Variants in FRRS1 observed in about 807,000 individuals in gnomAD.
FRRS1 encodes the protein ferric chelate reductase 1.
Under a neutral mutation model 70.7 loss-of-function variants are expected in FRRS1, and 51 were observed. The ratio of observed to expected loss-of-function variants is 0.72; its 90% CI spans 0.58 to 0.91. The LOEUF (loss-of-function observed/expected upper bound fraction) is 0.91. FRRS1 is among the 40% of genes least tolerant of loss of function. The pLI is 0.00. For missense variants in FRRS1, 672 were observed against 726.0 expected, an observed-to-expected ratio of 0.93 and a Z score of 0.86; for synonymous variants, 225 against 238.7, an observed-to-expected ratio of 0.94 and a Z score of 0.53.
intron 1 of FRRS1, chr1:99,765,454 A>T (rs1359512611): frequency 6.6e-6 from 1 of 152,184 alleles, no homozygotes; most frequent in Non-Finnish European, 1.5e-5. Context: ...ATACAAAATT[A>T]GCCGGGTGTG....
intron 4 of FRRS1, among the ~76,000 whole-genome samples, chr1:99,746,444 T>C (rs1172798169): frequency 1.3e-5 from 2 of 152,156 alleles, no homozygotes; most frequent in East Asian, 3.9e-4. Flanking sequence ...ATGTTGTGCA[T>C]GACTTTTAAA....
chr1:99,710,968 A>G lies in FRRS1; in HGVS notation c.1481-19T>C. 6.2e-7 allele frequency: 1 copy of G among 1,606,290 alleles called. No individual in the cohort carries two copies. Among genetic ancestry groups the G allele is most frequent in the East Asian group, 2.2e-5 (1 of 44,712 alleles). ...GCTGCCACTACATACAAAAGAAAAA[A>G]GTTACATTCAAATGTAGTCCCACCA... On this transcript the variant is annotated intron_variant, in intron 14 of 16. Coordinates refer to ENST00000646001, the MANE Select transcript of FRRS1 (RefSeq NM_001361041.2).
chr1:99,751,302 C>T (rs1045955785), intron 1 of FRRS1, among the ~76,000 whole-genome samples: 2 of 152,178 alleles, frequency 1.3e-5, no homozygotes, highest in African/African-American at 4.8e-5. Flanking sequence ...CACTGAACTA[C>T]TCCAGCAGCT....
chr1:99,729,995 A>G (rs1294272891), intron 7 of FRRS1, among the ~76,000 whole-genome samples: 1 of 152,178 alleles, frequency 6.6e-6, no homozygotes, highest in Non-Finnish European at 1.5e-5. Context: ...TAGATATATA[A>G]CATGTTTATA....
chr1:99,730,604 A>T (rs1223413074), intron 7 of FRRS1, among the ~76,000 whole-genome samples: 2 of 152,158 alleles, frequency 1.3e-5, no homozygotes, highest in Non-Finnish European at 2.9e-5. Context: ...GAGGTGGCTC[A>T]CGCCTGTAGT....
chr1:99,733,021 A>AT (rs994023649), intron 7 of FRRS1, among the ~76,000 whole-genome samples: 1 of 151,698 alleles, frequency 6.6e-6, no homozygotes, highest in Non-Finnish European at 1.5e-5. Context: ...TTTTTTATGA[A>AT]TTTTTTGTAG....
At chr1:99,747,573 G>A (rs1375496440) in intron 3 of FRRS1, 143 bp from the exon 4 acceptor site, 3 of 710,922 alleles carry the variant, frequency 4.2e-6, no homozygotes, top group East Asian at 5.6e-5. Context: ...AGGCAAAGAA[G>A]CTCTAAACTT....
chr1:99,752,209 C>A (rs1372216486), intron 1 of FRRS1, among the ~76,000 whole-genome samples: 1 of 152,182 alleles, frequency 6.6e-6, no homozygotes, highest in Non-Finnish European at 1.5e-5. Context: ...CCATTTTGTT[C>A]AAGAACTTTC....
At chr1:99,711,048 G>C (rs182464304) in intron 14 of FRRS1, 99 bp from the exon 15 acceptor site, 326 of 1,002,068 alleles carry the variant, frequency 3.3e-4, no homozygotes, top group Admixed American at 1.2e-3. Context: ...CATACTAAAA[G>C]AGTTTGAGAT....
rs201530272 is a variant in FRRS1 at position 99,710,875 on chromosome 1, C to T, written c.1555G>A (p.Gly519Arg). The change falls in exon 15 of 17, where the codon GGA becomes AGA. Residue 519 changes from glycine to arginine, a missense_variant. Coordinates refer to ENST00000646001, the MANE Select transcript of FRRS1 (RefSeq NM_001361041.2). ...GTCCCAACATGCCAGGCTACGAATCCGGTCATTGCATAGGTTTTCCATGAA... is the reference window on the plus strand; with the variant it reads ...GTCCCAACATGCCAGGCTACGAATCTGGTCATTGCATAGGTTTTCCATGAA... ...PDSWKTYAMTGFVAWHVGTEV... is the reference protein window; with the variant it reads ...PDSWKTYAMTRFVAWHVGTEV... The T allele has an allele frequency of 2.2e-4, 356 of 1,613,810 alleles. 1 individual carries two copies. The highest frequency in any genetic ancestry group is 6.6e-4 in the Middle Eastern group (4 of 6,062).
intron 1 of FRRS1, among the ~76,000 whole-genome samples, chr1:99,757,127 C>A (rs1656876822): frequency 2.0e-5 from 3 of 150,688 alleles, no homozygotes; most frequent in African/African-American, 7.3e-5. Flanking sequence ...TCGTTTACTA[C>A]ATCCAAAGTA....
At chr1:99,747,257 C>T (rs760750688) in intron 4 of FRRS1, 37 bp downstream of exon 4, 1 of 1,573,894 alleles carries the variant, frequency 6.4e-7, no homozygotes. Context: ...GCACCTGTAA[C>T]CTCCACATTG....
chr1:99,708,852 G>T lies in FRRS1; in HGVS notation c.*176C>A. 1 of 1,308,006 alleles carries T rather than the reference G, an allele frequency of 7.6e-7. No individual in the cohort carries two copies. The highest frequency in any genetic ancestry group is 1.2e-5 in the South Asian group (1 of 83,848). The allele number at this position is 1,308,006 out of a possible 1,614,324, so 81.0% of individuals were successfully genotyped here. ...CATGACATTAATTTATAGTCTATAT[G>T]ACCCTCTTGAATGTTGTTCTCTAAA... is the stretch of plus-strand genomic sequence containing the variant. On this transcript the variant is annotated 3_prime_UTR_variant, in exon 17 of 17. Coordinates refer to ENST00000646001, the MANE Select transcript of FRRS1 (RefSeq NM_001361041.2).
At chr1:99,748,818 A>G (rs1177359713) in intron 2 of FRRS1, 50 bp from the exon 3 acceptor site, 1 of 1,423,918 alleles carries the variant, frequency 7.0e-7, no homozygotes, top group Admixed American at 2.1e-5. Context: ...ATTAAAATAT[A>G]AAAGCTTTTA....
chr1:99,761,467 T>C (rs1657109685), intron 1 of FRRS1, among the ~76,000 whole-genome samples: 1 of 152,204 alleles, frequency 6.6e-6, no homozygotes, highest in Admixed American at 6.5e-5. Flanking sequence ...GAAAAATGAT[T>C]GGAAACAAAT....
rs1471545237 is a variant in FRRS1 at position 99,708,512 on chromosome 1, G to A, written c.*516C>T. ...ACTCAGGAGGCTGAGGCAGGAGAAT[G>A]GTGTGAACCCAGGAGGCAGAGCTTG... On this transcript the variant is annotated 3_prime_UTR_variant, in exon 17 of 17. Coordinates refer to ENST00000646001, the MANE Select transcript of FRRS1 (RefSeq NM_001361041.2). 2.7e-5 allele frequency: 4 copies of A among 145,888 alleles called. No homozygotes were observed. Among genetic ancestry groups the A allele is most frequent in the African/African-American group, 7.6e-5 (3 of 39,672 alleles). The allele number at this position is 145,888 out of a possible 1,614,324, so 9.0% of individuals were successfully genotyped here. A position where few individuals can be genotyped will look rare whatever the true frequency, so the allele number is the denominator to read the frequency against.
In FRRS1 at chr1:99,742,198, G is replaced by C. The variant is rs770151340; in HGVS notation, c.409C>G (p.Pro137Ala). Residue 137 changes from proline to alanine, a missense_variant, in exon 5 of 17, where the codon CCA becomes GCA. Transcript: ENST00000646001. ...KVYWNAPSSA[P>A]NHTQFLVTVV... ...ACTCACAGAAACTGTGTGTGATTTG[G>C]AGCACTGCTTGGAGCATTCCAGTAG... is the stretch of plus-strand genomic sequence containing the variant. 1 of 1,606,750 alleles carries C rather than the reference G, an allele frequency of 6.2e-7. No homozygotes were observed.
At chr1:99,732,920 T>C (rs1382796205) in intron 7 of FRRS1, among the ~76,000 whole-genome samples, 1 of 151,914 alleles carries the variant, frequency 6.6e-6, no homozygotes, top group East Asian at 1.9e-4. Flanking sequence ...TACAGCTCAC[T>C]GCAGCTTTGA....
intron 1 of FRRS1, among the ~76,000 whole-genome samples, chr1:99,760,073 T>C (rs987143132): frequency 4.6e-5 from 7 of 152,212 alleles, no homozygotes; most frequent in Non-Finnish European, 1.0e-4. Flanking sequence ...AAATCTGCTT[T>C]ATAAGAGACT....
Sources: gnomAD v4.1 joint callset for allele counts (sites outside exome capture counted in the v4.1 genomes callset) on GRCh38, gnomAD v4.1.1 for gene constraint, MANE v1.5 for transcripts, NCBI Gene and HGNC (gene_info 2026-07-23, HGNC 2026-07-21) for gene names.